Variants in GTF2A1L observed in about 807,000 individuals in gnomAD.
GTF2A1L encodes the protein TFIIA-alpha and beta-like factor.
Under a neutral mutation model 49.7 loss-of-function variants are expected in GTF2A1L, and 48 were observed. That is an observed-to-expected ratio of 0.97 (90% CI 0.77 to 1.23). GTF2A1L has a LOEUF of 1.23. Among genes scored for constraint, GTF2A1L ranks in the 50% most tolerant of loss-of-function variants. The probability of loss-of-function intolerance (pLI) is 0.00; values close to 1 mark genes in which losing one functional copy is unlikely to be tolerated. For synonymous variants in GTF2A1L, 246 were observed against 193.5 expected (o/e 1.27, Z -2.25); for missense variants, 736 against 564.8 (o/e 1.30, Z -3.07).
chr2:48,653,635 G>T (rs1677992188), intron 6 of GTF2A1L, among the ~76,000 whole-genome samples: 1 of 152,054 alleles, frequency 6.6e-6, no homozygotes, highest in Non-Finnish European at 1.5e-5. Flanking sequence ...TCCAGTTTTT[G>T]GTATTTGTGA....
At chr2:48,638,449 C>T (rs1453542698) in intron 3 of GTF2A1L, among the ~76,000 whole-genome samples, 1 of 151,850 alleles carries the variant, frequency 6.6e-6, no homozygotes, top group Non-Finnish European at 1.5e-5. Flanking sequence ...TGTGATTCAT[C>T]ACATAAACAA....
Position 48,663,774 on chromosome 2 carries a change from G to A in GTF2A1L, c.979-5948G>A, listed in dbSNP as rs562055758. ...CCTGCCTCAGCCTCCTGAGTAGCTG[G>A]GACTGTAGGCACACACAACCATACC... On this transcript the variant is annotated intron_variant, in intron 6 of 8. Transcript: ENST00000403751. Among the ~76,000 whole-genome samples, 43 of 152,118 alleles carry A rather than the reference G, an allele frequency of 2.8e-4. 1 individual carries two copies. The South Asian group carries it at 8.7e-3, about 31-fold the overall frequency.
intron 3 of GTF2A1L, 99 bp downstream of exon 3, chr2:48,621,389 G>A (rs1675993030): frequency 1.3e-6 from 2 of 1,527,556 alleles, no homozygotes; most frequent in Non-Finnish European, 1.8e-6. Context: ...CTTAGGGTGA[G>A]AAGGCTTGGA....
intron 6 of GTF2A1L, among the ~76,000 whole-genome samples, chr2:48,658,937 T>C (rs1678332525): frequency 1.3e-5 from 2 of 152,154 alleles, no homozygotes; most frequent in Admixed American, 1.3e-4. Flanking sequence ...TATATCTCCT[T>C]AACTTATGAA....
At chr2:48,671,823 A>G in intron 8 of GTF2A1L, 143 bp downstream of exon 8, 2 of 776,024 alleles carry the variant, frequency 2.6e-6, no homozygotes, top group South Asian at 2.3e-5. Flanking sequence ...CTGAGTGTGT[A>G]TTTTGGGTCT....
intron 6 of GTF2A1L, among the ~76,000 whole-genome samples, chr2:48,663,894 T>G (rs1678660621): frequency 6.6e-6 from 1 of 152,198 alleles, no homozygotes; most frequent in Non-Finnish European, 1.5e-5. Context: ...ATTACAGGCA[T>G]AAGCCACCAC....
intron 6 of GTF2A1L, among the ~76,000 whole-genome samples, chr2:48,664,095 A>G (rs191332788): frequency 6.6e-6 from 1 of 151,448 alleles, no homozygotes; most frequent in East Asian, 1.9e-4. Context: ...TTTGATGAAT[A>G]AAAAAAAATA....
intron 6 of GTF2A1L, among the ~76,000 whole-genome samples, chr2:48,655,401 G>A (rs1351908690): frequency 6.6e-6 from 1 of 151,928 alleles, no homozygotes; most frequent in Non-Finnish European, 1.5e-5. Context: ...GTGTTATCCA[G>A]GTTTGTCTCA....
At position 48,663,264 on chromosome 2, in the gene GTF2A1L, T is replaced by C. The variant is rs181142239; in HGVS notation, c.979-6458T>C. ...GCCTAGGCAACATTGCAAAACCCCA[T>C]CAATATAAAAAATACAAAAAAATTA... is the stretch of plus-strand genomic sequence containing the variant. On this transcript the variant is annotated intron_variant, in intron 6 of 8. Coordinates refer to ENST00000403751, the MANE Select transcript of GTF2A1L (RefSeq NM_006872.5). Among the ~76,000 whole-genome samples the C allele has an allele frequency of 1.6e-3, 248 of 151,990 alleles. 1 individual carries two copies. The highest frequency in any genetic ancestry group is 3.0e-3 in the Non-Finnish European group (201 of 67,968).
intron 3 of GTF2A1L, among the ~76,000 whole-genome samples, chr2:48,628,605 C>G (rs1200125578): frequency 7.0e-6 from 1 of 143,428 alleles, no homozygotes; most frequent in African/African-American, 2.5e-5. Flanking sequence ...CTTATAGATT[C>G]TGGATATTAC....
intron 3 of GTF2A1L, among the ~76,000 whole-genome samples, chr2:48,629,440 A>T (rs13005234): frequency 0.12 from 17,591 of 143,708 alleles, 3,122 homozygotes; most frequent in African/African-American, 0.14. Context: ...GTTCCAGTCC[A>T]CCTGGAGCAT....
rs796652968 is a variant in GTF2A1L, at chr2:48,667,258, C to T, written c.979-2464C>T. On this transcript the variant is annotated intron_variant, in intron 6 of 8. Coordinates refer to ENST00000403751, the MANE Select transcript of GTF2A1L (RefSeq NM_006872.5). ...ACAGGCATGAGTGGCCATGCCCAGC[C>T]TCATTAATTTTGATTGAATGTCAGA... 4.6e-5 allele frequency among the ~76,000 whole-genome samples: 7 copies of T among 152,172 alleles called. 1 individual carries two copies. The highest frequency in any genetic ancestry group is 1.7e-4 in the African/African-American group (7 of 41,516).
intron 3 of GTF2A1L, among the ~76,000 whole-genome samples, chr2:48,625,281 C>T (rs988142729): frequency 2.8e-5 from 4 of 143,486 alleles, no homozygotes; most frequent in Admixed American, 2.1e-4. Context: ...TATCTTAATG[C>T]AGTTTTGACT....
At chr2:48,650,429 G>C (rs147536593) in intron 6 of GTF2A1L, among the ~76,000 whole-genome samples, 98 of 152,278 alleles carry the variant, frequency 6.4e-4, no homozygotes, top group African/African-American at 2.3e-3. Context: ...AAGAACCACT[G>C]ATGTAGCTCA....
In GTF2A1L at chr2:48,645,034, G is replaced by A; in HGVS notation, c.305G>A (p.Gly102Asp). ...CTAATATAAATTTCTTATATCTAGG[G>A]CACTTCAAACTCCAGTGCAAACTTT... ...TLPSFTTAEL[G>D]TSNSSANFTF... The change falls in exon 5 of 9, where the codon GGC becomes GAC. Residue 102 changes from glycine (G) to aspartate (D), a missense_variant and splice_region_variant. Physicochemically the swap from Gly to Asp is moderately conservative, Grantham distance 94. Transcript: ENST00000403751. The A allele has an allele frequency of 6.2e-7, 1 of 1,607,180 alleles. No individual in the cohort carries two copies. The highest frequency in any genetic ancestry group is 8.5e-7 in the Non-Finnish European group (1 of 1,177,996).
intron 6 of GTF2A1L, among the ~76,000 whole-genome samples, chr2:48,666,613 TTGTGTG>T (rs1023294939): frequency 1.1e-5 from 1 of 88,662 alleles, no homozygotes; most frequent in East Asian, 3.8e-4. Flanking sequence ...GTGTGTGTGT[TTGTGTG>T]TGTGTGTGTT....
intron 3 of GTF2A1L, among the ~76,000 whole-genome samples, chr2:48,624,465 T>C (rs1676191725): frequency 7.0e-6 from 1 of 143,268 alleles, no homozygotes; most frequent in Non-Finnish European, 1.6e-5. Flanking sequence ...TTGATATAGA[T>C]AGATAGATAG....
intron 1 of GTF2A1L, among the ~76,000 whole-genome samples, chr2:48,619,914 T>TG (rs1675882801): frequency 6.6e-6 from 1 of 152,342 alleles, no homozygotes; most frequent in African/African-American, 2.4e-5. Context: ...ACACTGTGGA[T>TG]GGGTAAGGTT....
chr2:48,654,118 A>G (rs1027217982), intron 6 of GTF2A1L, among the ~76,000 whole-genome samples: 16 of 152,136 alleles, frequency 1.1e-4, no homozygotes, highest in Non-Finnish European at 2.2e-4. Flanking sequence ...CCAGCAATGT[A>G]TAAGATTTGT....
Sources: allele counts gnomAD v4.1 joint callset (sites outside exome capture counted in the v4.1 genomes callset), GRCh38; gene constraint gnomAD v4.1.1; transcripts MANE v1.5; gene names NCBI Gene and HGNC (gene_info 2026-07-23, HGNC 2026-07-21).